The following MED12L variants were observed in gnomAD, a reference collection of about 807,000 sequenced individuals.
MED12L encodes the protein mediator of RNA polymerase II transcription subunit 12-like protein.
Under a neutral mutation model 281.3 loss-of-function variants are expected in MED12L, and 60 were observed. The ratio of observed to expected loss-of-function variants is 0.21; its 90% CI spans 0.17 to 0.26. MED12L has a LOEUF of 0.26. Among genes scored for constraint, MED12L ranks in the 10% least tolerant of loss-of-function variants. The probability of loss-of-function intolerance (pLI) is 1.00; values close to 1 mark genes in which losing one functional copy is unlikely to be tolerated. For synonymous variants in MED12L, 974 were observed against 987.2 expected, an observed-to-expected ratio of 0.99 and a Z score of 0.25; for missense variants, 2,146 against 2,680.9, an observed-to-expected ratio of 0.80 and a Z score of 4.41.
intron 19 of MED12L, among the ~76,000 whole-genome samples, 190 bp downstream of exon 19, chr3:151,356,229 A>G (rs1753900184): frequency 6.6e-6 from 1 of 151,942 alleles, no homozygotes; most frequent in African/African-American, 2.4e-5. Flanking sequence ...GTGAGACCCC[A>G]TCTCCACAAA....
intron 3 of MED12L, among the ~76,000 whole-genome samples, chr3:151,121,305 G>T (rs908217239): frequency 3.3e-5 from 5 of 152,032 alleles, no homozygotes; most frequent in African/African-American, 1.2e-4. Context: ...GAAGTTGTTT[G>T]TATAAAAAAA....
At chr3:151,105,550 A>G (rs867282396) in intron 2 of MED12L, among the ~76,000 whole-genome samples, 69 of 151,724 alleles carry the variant, frequency 4.5e-4, no homozygotes, top group African/African-American at 1.5e-3. Context: ...GAGGTAAAAC[A>G]CTCCTAGTTT....
intron 16 of MED12L, among the ~76,000 whole-genome samples, chr3:151,340,120 C>T (rs1464508427): frequency 2.0e-5 from 3 of 152,076 alleles, no homozygotes; most frequent in African/African-American, 4.8e-5. Flanking sequence ...ACCTATTTAG[C>T]GCTTTAAAAT....
chr3:151,357,015 C>G (rs1754014369), intron 19 of MED12L, among the ~76,000 whole-genome samples, 198 bp from the exon 20 acceptor site: 1 of 151,964 alleles, frequency 6.6e-6, no homozygotes, highest in Admixed American at 6.6e-5. Flanking sequence ...CTGGGTACTT[C>G]CTAATTGTAT....
At chr3:151,408,349 C>A (rs1479429250) in intron 39 of MED12L, among the ~76,000 whole-genome samples, 5 of 152,216 alleles carry the variant, frequency 3.3e-5, no homozygotes, top group African/African-American at 9.6e-5. Flanking sequence ...AATACCTACA[C>A]TACTTTTCAA....
chr3:151,203,290 A>T (rs1725899339), intron 16 of MED12L: 1 of 152,180 alleles, frequency 6.6e-6, no homozygotes, highest in Admixed American at 6.5e-5. Context: ...GTTTGCAAGT[A>T]GTTTAACTTT....
chr3:151,322,622 T>C (rs147427986), intron 16 of MED12L, among the ~76,000 whole-genome samples: 144 of 152,258 alleles, frequency 9.5e-4, no homozygotes, highest in African/African-American at 3.4e-3. Flanking sequence ...GTTGACCTTA[T>C]AGTTGTAGAT....
intron 16 of MED12L, chr3:151,295,324 A>G (rs763830305): frequency 6.8e-5 from 46 of 672,392 alleles, no homozygotes; most frequent in Non-Finnish European, 1.1e-4. Flanking sequence ...TAAAGATGTC[A>G]TCAATGATTT....
Position 151,328,166 on chromosome 3 carries a change from A to G in MED12L, c.2251-21893A>G, listed in dbSNP as rs760223474. The G allele has an allele frequency of 5.0e-6, 8 of 1,613,166 alleles. No individual in the cohort carries two copies. In the African/African-American group the frequency reaches 1.1e-4, roughly 22 times the overall value. On this transcript the variant is annotated intron_variant, in intron 16 of 44. Transcript: ENST00000687756. ...CAAAAAGAGAGTTGTTTCTTTAGCA[A>G]TAAACAGTTGATTTTGCAGTCTACA...
chr3:151,163,717 T>G (rs1334352220), intron 8 of MED12L, among the ~76,000 whole-genome samples, 176 bp from the exon 9 acceptor site: 2 of 152,196 alleles, frequency 1.3e-5, no homozygotes, highest in Non-Finnish European at 2.9e-5. Flanking sequence ...ACTTAATAAT[T>G]TTTAGTTTTG....
chr3:151,213,906 G>A (rs777585045), intron 16 of MED12L: 3 of 1,613,986 alleles, frequency 1.9e-6, no homozygotes, highest in Non-Finnish European at 1.7e-6. Flanking sequence ...GAAGTTTGCT[G>A]TAACTCACTG....
intron 2 of MED12L, among the ~76,000 whole-genome samples, chr3:151,092,797 C>T (rs1177499029): frequency 6.6e-6 from 1 of 152,168 alleles, no homozygotes; most frequent in African/African-American, 2.4e-5. Context: ...ATTGGCTGGC[C>T]CCAGGCGCTG....
At chr3:151,405,117 G>A (rs1479684700) in intron 39 of MED12L, among the ~76,000 whole-genome samples, 3 of 152,168 alleles carry the variant, frequency 2.0e-5, no homozygotes. Flanking sequence ...TCTTATAAAG[G>A]TTAGGAAGAT....
Position 151,380,235 on chromosome 3 carries a change from G to A in MED12L, c.4590+11G>A, listed in dbSNP as rs777568702. 2.7e-6 allele frequency: 4 copies of A among 1,505,262 alleles called. No individual in the cohort carries two copies. In the East Asian group the frequency reaches 9.1e-5, roughly 34 times the overall value. 93.2% of individuals were successfully genotyped at this position (1,505,262 alleles called of 1,614,324 possible). A position where few individuals can be genotyped will look rare whatever the true frequency, so the allele number is the denominator to read the frequency against. On this transcript the variant is annotated intron_variant, in intron 32 of 44. Transcript: ENST00000687756. ...AATCAAGTTAACCAGGTAAAGTATA[G>A]TATAATATTAAGACAGGCAAATATC...
At chr3:151,406,977 T>A (rs1007897464) in intron 39 of MED12L, among the ~76,000 whole-genome samples, 1 of 152,132 alleles carries the variant, frequency 6.6e-6, no homozygotes, top group African/African-American at 2.4e-5. Flanking sequence ...TTTTTTGTAT[T>A]TTTTGTAGAG....
intron 16 of MED12L, among the ~76,000 whole-genome samples, chr3:151,214,958 G>A (rs1263680299): frequency 6.6e-6 from 1 of 152,048 alleles, no homozygotes; most frequent in Non-Finnish European, 1.5e-5. Context: ...CATTATAAAT[G>A]TTTACATATT....
At chr3:151,338,063 C>T (rs761536720) in intron 16 of MED12L, 27 of 1,613,918 alleles carry the variant, frequency 1.7e-5, no homozygotes, top group African/African-American at 6.7e-5. Context: ...GGGTTTGGCT[C>T]AGGGTGTAAG....
At chr3:151,201,979 TTAGAG>T (rs1390846316) in intron 16 of MED12L, among the ~76,000 whole-genome samples, 1 of 152,218 alleles carries the variant, frequency 6.6e-6, no homozygotes, top group Non-Finnish European at 1.5e-5. Context: ...AAGAGAAGAA[TTAGAG>T]TAATTTATTT....
intron 2 of MED12L, among the ~76,000 whole-genome samples, chr3:151,115,123 C>G (rs1319745544): frequency 4.6e-5 from 7 of 152,272 alleles, no homozygotes; most frequent in African/African-American, 1.7e-4. Context: ...AACATTGCAG[C>G]TCTAAACTTC....
Sources: allele counts gnomAD v4.1 joint callset (sites outside exome capture counted in the v4.1 genomes callset), GRCh38; gene constraint gnomAD v4.1.1; transcripts MANE v1.5; gene names NCBI Gene and HGNC (gene_info 2026-07-23, HGNC 2026-07-21).